Variants in PHLPP2 observed in about 807,000 individuals in gnomAD.
PHLPP2 encodes the protein PH domain leucine-rich repeat-containing protein phosphatase 2.
A neutral mutation model predicts 124.9 loss-of-function variants in PHLPP2; 66 were observed. The ratio of observed to expected loss-of-function variants is 0.53; its 90% CI spans 0.43 to 0.65. PHLPP2 has a LOEUF of 0.65. Ranked by LOEUF, PHLPP2 falls within the 30% of genes least tolerant of loss-of-function variation. The probability of loss-of-function intolerance (pLI) is 0.00; values close to 1 mark genes in which losing one functional copy is unlikely to be tolerated. For synonymous variants in PHLPP2, 681 were observed against 624.7 expected (o/e 1.09, Z -1.34); for missense variants, 1,685 against 1,600.4 (o/e 1.05, Z -0.90).
intron 8 of PHLPP2, 72 bp from the exon 9 acceptor site, chr16:71,676,721 A>G: frequency 8.8e-7 from 1 of 1,137,364 alleles, no homozygotes; most frequent in Non-Finnish European, 1.3e-6. Flanking sequence ...ATAAAAATAA[A>G]AAATAGGACA....
chr16:71,649,003 G>A lies in PHLPP2; in HGVS notation c.3859C>T (p.Leu1287=), dbSNP rs1216812564. 6 of 1,613,962 alleles carry A rather than the reference G, an allele frequency of 3.7e-6. No individual in the cohort carries two copies. Among genetic ancestry groups the A allele is most frequent in the Non-Finnish European group, 4.2e-6 (5 of 1,179,996 alleles). The change falls in exon 19 of 19, where the codon CTG becomes TTG. Residue 1287 remains leucine (L), a synonymous_variant. Coordinates refer to ENST00000568954, the MANE Select transcript of PHLPP2 (RefSeq NM_015020.3). ...ATTTGTTCCTTCACTTCTTCTTCCA[G>A]GTCATGAGGCACAACAAACTGGTCC... The part of the protein sequence containing the change: ...PEDQFVVPHD[L]EEEVKEQMKQ...
chr16:71,690,752 G>A (rs758888067), intron 3 of PHLPP2, 43 bp from the exon 4 acceptor site: 4 of 1,320,708 alleles, frequency 3.0e-6, no homozygotes, highest in East Asian at 2.3e-5. Context: ...TTAAAGTAGT[G>A]TAAGAATACA....
At chr16:71,660,703 C>G (rs1157843173) in intron 13 of PHLPP2, among the ~76,000 whole-genome samples, 1 of 152,006 alleles carries the variant, frequency 6.6e-6, no homozygotes, top group East Asian at 1.9e-4. Flanking sequence ...TGCGCCCGGC[C>G]TATACATTGT....
At chr16:71,657,873 T>C (rs1017208669) in intron 15 of PHLPP2, among the ~76,000 whole-genome samples, 3 of 152,210 alleles carry the variant, frequency 2.0e-5, no homozygotes, top group South Asian at 4.1e-4. Context: ...GATTTCTATG[T>C]TTTAGCCAAC....
At chr16:71,706,164 T>C (rs1242580224) in intron 2 of PHLPP2, among the ~76,000 whole-genome samples, 1 of 152,240 alleles carries the variant, frequency 6.6e-6, no homozygotes, top group Non-Finnish European at 1.5e-5. Flanking sequence ...AAGGAGACAA[T>C]AGTTTTGGAG....
chr16:71,688,805 A>C (rs1174235284), intron 4 of PHLPP2, among the ~76,000 whole-genome samples: 1 of 151,976 alleles, frequency 6.6e-6, no homozygotes, highest in African/African-American at 2.4e-5. Flanking sequence ...AAGACCTCAT[A>C]CTGACAGTGG....
In PHLPP2 at chr16:71,718,831, G is replaced by A. The variant is rs112568111; in HGVS notation, c.-6-4030C>T. 3.3e-3 allele frequency among the ~76,000 whole-genome samples: 506 copies of A among 152,300 alleles called. 4 individuals are homozygous for A. Among genetic ancestry groups the A allele is most frequent in the African/African-American group, 0.012 (482 of 41,562 alleles). ...CCGCCCTAAGAAGATAAACTGCTAA[G>A]TTACAACTTCAGTATATATCATTCT... On this transcript the variant is annotated intron_variant, in intron 1 of 18. Coordinates refer to ENST00000568954, the MANE Select transcript of PHLPP2 (RefSeq NM_015020.3).
At chr16:71,715,274 T>C (rs1183815888) in intron 1 of PHLPP2, 2 of 158,578 alleles carry the variant, frequency 1.3e-5, no homozygotes, top group East Asian at 1.9e-4. Context: ...ACAGATTGAG[T>C]TGGAGAACAG....
At chr16:71,660,418 T>C (rs1288055516) in intron 13 of PHLPP2, among the ~76,000 whole-genome samples, 1 of 114,498 alleles carries the variant, frequency 8.7e-6, no homozygotes, top group African/African-American at 3.1e-5. Flanking sequence ...TTATATACAC[T>C]GTATTTTTTT....
At chr16:71,719,957 C>A (rs1597021963) in intron 1 of PHLPP2, among the ~76,000 whole-genome samples, 2 of 86,056 alleles carry the variant, frequency 2.3e-5, no homozygotes, top group Admixed American at 1.4e-4. Flanking sequence ...AACACCATGC[C>A]CAGCTAATTT....
chr16:71,685,984 T>C (rs952920551), intron 4 of PHLPP2, among the ~76,000 whole-genome samples: 4 of 152,218 alleles, frequency 2.6e-5, no homozygotes, highest in African/African-American at 9.6e-5. Context: ...TAAAGTCCTT[T>C]TGGCCCAGCT....
intron 13 of PHLPP2, among the ~76,000 whole-genome samples, chr16:71,659,377 G>A (rs772976465): frequency 6.6e-6 from 1 of 150,392 alleles, no homozygotes; most frequent in Non-Finnish European, 1.5e-5. Flanking sequence ...TCAGCCTCCC[G>A]AGTAGCTGGG....
At position 71,694,410 on chromosome 16, in the gene PHLPP2, G is replaced by A. The variant is rs571348974; in HGVS notation, c.419-3701C>T. On this transcript the variant is annotated intron_variant, in intron 3 of 18. Transcript: ENST00000568954. ...TGGGAGGCCGAGCTTGCAGTGAGCC[G>A]AGATCATGCCATTGCACTCCTACCT... 1.4e-4 allele frequency among the ~76,000 whole-genome samples: 22 copies of A among 152,138 alleles called. 2 individuals are homozygous for A. In the South Asian group the frequency reaches 4.2e-3, roughly 29 times the overall value.
chr16:71,665,693 T>C (rs762348941), intron 12 of PHLPP2, among the ~76,000 whole-genome samples: 2 of 152,216 alleles, frequency 1.3e-5, no homozygotes, highest in Non-Finnish European at 2.9e-5. Context: ...CACTGACAGT[T>C]CGCTACAGCT....
rs1387747177 is a variant in PHLPP2, at chr16:71,678,913, A to C, written c.1110T>G (p.Leu370=). The change falls in exon 8 of 19, where the codon CTT becomes CTG. Residue 370 remains leucine, a synonymous_variant. Coordinates refer to ENST00000568954, the MANE Select transcript of PHLPP2 (RefSeq NM_015020.3). ...TGTTGAAGGAAATTCCCAAGGAGGAAAGCTGTTGTAGATTTCCCAATTCTT... is the reference window on the plus strand; with the variant it reads ...TGTTGAAGGAAATTCCCAAGGAGGACAGCTGTTGTAGATTTCCCAATTCTT... ...LPEELGNLQQ[L]SSLGISFNNF... 1.9e-6 allele frequency: 3 copies of C among 1,613,374 alleles called. No individual in the cohort carries two copies. Among genetic ancestry groups the C allele is most frequent in the Non-Finnish European group, 2.5e-6 (3 of 1,179,334 alleles).
At chr16:71,661,091 G>T (rs1256449138) in intron 13 of PHLPP2, among the ~76,000 whole-genome samples, 2 of 144,878 alleles carry the variant, frequency 1.4e-5, no homozygotes, top group Non-Finnish European at 3.0e-5. Context: ...TTTTGAGATA[G>T]GGTCCCGCTC....
chr16:71,649,592 G>A lies in PHLPP2; in HGVS notation c.3270C>T (p.Ser1090=), dbSNP rs764496757. The A allele has an allele frequency of 3.7e-6, 6 of 1,614,132 alleles. No individual in the cohort carries two copies. The South Asian group carries it at 4.4e-5, about 12-fold the overall frequency. Residue 1090 remains serine (S), a synonymous_variant, in exon 19 of 19, where the codon AGC becomes AGT. Coordinates refer to ENST00000568954, the MANE Select transcript of PHLPP2 (RefSeq NM_015020.3). ...FSSEMSTSEV[S]SEVGSTASDE... ...CAGAAGCAGTGGACCCCACTTCACT[G>A]CTCACCTCTGAGGTGGACATCTCAC...
intron 1 of PHLPP2, among the ~76,000 whole-genome samples, chr16:71,719,080 C>T (rs1351872055): frequency 6.6e-6 from 1 of 152,190 alleles, no homozygotes; most frequent in African/African-American, 2.4e-5. Context: ...CTCTGAGGTG[C>T]TTTCAACTTT....
At chr16:71,650,663 T>C (rs111587635) in intron 18 of PHLPP2, among the ~76,000 whole-genome samples, 3 of 152,130 alleles carry the variant, frequency 2.0e-5, no homozygotes, top group Admixed American at 6.5e-5. Flanking sequence ...TGCTTGCAGG[T>C]TGGGAATGCT....
Sources: gnomAD v4.1 joint callset for allele counts (sites outside exome capture counted in the v4.1 genomes callset) on GRCh38, gnomAD v4.1.1 for gene constraint, MANE v1.5 for transcripts, NCBI Gene and HGNC (gene_info 2026-07-23, HGNC 2026-07-21) for gene names.